WDR27: variants seen among roughly 807,000 people sequenced by gnomAD.
WDR27 encodes WD repeat domain 27, also known as WD repeat-containing protein 27.
In WDR27, 100 loss-of-function variants were observed where a neutral mutation model predicts 114.4. The observed-to-expected ratio is 0.87, with a 90% CI of 0.74 to 1.03. The LOEUF is 1.03. Ranked by LOEUF, WDR27 falls within the 50% of genes least tolerant of loss-of-function variation. WDR27 has a pLI of 0.00. For synonymous variants in WDR27, 449 were observed against 423.1 expected (o/e 1.06, Z -0.75); for missense variants, 1,129 against 1,092.9 (o/e 1.03, Z -0.47).
chr6:169,647,592 C>T lies in WDR27; in HGVS notation c.1657+181G>A, dbSNP rs542512362. 106 of 686,736 alleles carry T rather than the reference C, an allele frequency of 1.5e-4. No individual in the cohort carries two copies. The African/African-American group carries it at 1.7e-3, about 11-fold the overall frequency. 42.5% of individuals were successfully genotyped at this position (686,736 alleles called of 1,614,324 possible). ...AGATGCCTGGAGATCACCCTCACTA[C>T]AGTCGAGTGAAACGCAGTCTCGGTT... On this transcript the variant is annotated intron_variant, in intron 16 of 25. Coordinates refer to ENST00000448612, the MANE Select transcript of WDR27 (RefSeq NM_182552.5).
intron 2 of WDR27, among the ~76,000 whole-genome samples, chr6:169,685,349 A>T (rs1447978382): frequency 6.6e-6 from 1 of 152,170 alleles, no homozygotes; most frequent in Non-Finnish European, 1.5e-5. Flanking sequence ...AACAGACACC[A>T]ATCATAAGAA....
chr6:169,631,496 C>G (rs1334704540), intron 21 of WDR27, among the ~76,000 whole-genome samples: 1 of 152,144 alleles, frequency 6.6e-6, no homozygotes, highest in African/African-American at 2.4e-5. Context: ...CTCCCTTCTC[C>G]GACCAAGGCT....
chr6:169,588,134 C>T (rs999034761), intron 23 of WDR27, among the ~76,000 whole-genome samples: 3 of 152,202 alleles, frequency 2.0e-5, no homozygotes, highest in African/African-American at 7.2e-5. Flanking sequence ...AGGCGATGAG[C>T]ATCACACAGC....
At chr6:169,525,545 A>AG (rs1455138886) in intron 25 of WDR27, among the ~76,000 whole-genome samples, 4 of 150,978 alleles carry the variant, frequency 2.6e-5, no homozygotes, top group Non-Finnish European at 4.4e-5. Flanking sequence ...CAAAAAAAAA[A>AG]AAAAGAAAAA....
At chr6:169,605,930 A>C (rs1273017127) in intron 22 of WDR27, among the ~76,000 whole-genome samples, 1 of 152,118 alleles carries the variant, frequency 6.6e-6, no homozygotes, top group Non-Finnish European at 1.5e-5. Context: ...TTGGACCCTT[A>C]TCTCTCCCCA....
At chr6:169,605,244 A>G (rs1808897817) in intron 22 of WDR27, among the ~76,000 whole-genome samples, 1 of 151,906 alleles carries the variant, frequency 6.6e-6, no homozygotes, top group Non-Finnish European at 1.5e-5. Context: ...ACACTCTTAG[A>G]TTTGATAAAT....
chr6:169,613,468 A>G (rs909583004), intron 22 of WDR27, 91 bp downstream of exon 22: 9 of 1,090,562 alleles, frequency 8.3e-6, no homozygotes, highest in Admixed American at 6.2e-5. Context: ...CAGATTAACC[A>G]CAACCTCATC....
intron 25 of WDR27, among the ~76,000 whole-genome samples, chr6:169,567,078 A>G (rs3817866): frequency 0.59 from 89,895 of 152,072 alleles, 29,242 homozygotes; most frequent in Non-Finnish European, 0.72. Flanking sequence ...TCTGATAGGC[A>G]GCAGCCCGAG....
downstream of WDR27, among the ~76,000 whole-genome samples, chr6:169,454,901 C>T (rs1309992724): frequency 4.6e-5 from 7 of 152,222 alleles, no homozygotes; most frequent in Non-Finnish European, 8.8e-5. Flanking sequence ...TGTGCCCAGC[C>T]GTGGGCTCCT....
chr6:169,661,754 C>T (rs1826174204), intron 9 of WDR27, among the ~76,000 whole-genome samples: 1 of 152,178 alleles, frequency 6.6e-6, no homozygotes. Flanking sequence ...GGCAGCTCTG[C>T]ACAGAGACAA....
At chr6:169,436,927 A>G in the WDR27 span, among the ~76,000 whole-genome samples, 1 of 152,140 alleles carries the variant, frequency 6.6e-6, no homozygotes, top group Non-Finnish European at 1.5e-5. Context: ...AAAATACATT[A>G]TAATTCAAAA....
chr6:169,655,956 T>A (rs1824065224), intron 13 of WDR27, among the ~76,000 whole-genome samples: 1 of 152,150 alleles, frequency 6.6e-6, no homozygotes, highest in African/African-American at 2.4e-5. Context: ...TCTCCTGACC[T>A]CGTGATCCGC....
chr6:169,641,264 G>A (rs1159365775), intron 17 of WDR27, among the ~76,000 whole-genome samples: 1 of 152,254 alleles, frequency 6.6e-6, no homozygotes, highest in African/African-American at 2.4e-5. Context: ...ACACATGCGT[G>A]AAGCGCTGCG....
chr6:169,478,398 C>T (rs532706298), intron 25 of WDR27, among the ~76,000 whole-genome samples: 7 of 152,138 alleles, frequency 4.6e-5, no homozygotes, highest in African/African-American at 1.2e-4. Context: ...TAATAAAATA[C>T]GATTTTTGCA....
chr6:169,455,077 G>A (rs1364849671), downstream of WDR27, among the ~76,000 whole-genome samples: 5 of 152,236 alleles, frequency 3.3e-5, no homozygotes, highest in African/African-American at 1.2e-4. Context: ...CTGCAGCTGA[G>A]CCCTCCCGGA....
chr6:169,684,814 C>A lies in WDR27; in HGVS notation c.189+4003G>T, dbSNP rs907607268. On this transcript the variant is annotated intron_variant, in intron 2 of 25. Transcript: ENST00000448612. This position sits in a 1 kb window ranked among gnomAD's most constrained non-coding sequence, Gnocchi z 4.3. ...CTACGTCCAATGCTGGAGAAACAGC[C>A]CCAGGAGCTGCCCCAGCAGATATGT... 5.9e-5 allele frequency among the ~76,000 whole-genome samples: 9 copies of A among 152,196 alleles called. No homozygotes were observed. The highest frequency in any genetic ancestry group is 8.8e-5 in the Non-Finnish European group (6 of 68,036).
At chr6:169,580,948 T>TAC (rs201301801) in intron 24 of WDR27, among the ~76,000 whole-genome samples, 9,109 of 96,862 alleles carry the variant, frequency 0.094, 549 homozygotes, top group African/African-American at 0.17. Context: ...TATATATATA[T>TAC]ATATACATAT....
chr6:169,681,962 G>A (rs949713580), intron 2 of WDR27, among the ~76,000 whole-genome samples: 1 of 152,024 alleles, frequency 6.6e-6, no homozygotes, highest in South Asian at 2.1e-4. Flanking sequence ...TCATAAGGGG[G>A]CCCAGTCCCA....
chr6:169,562,631 G>A (rs1430583876), intron 25 of WDR27, among the ~76,000 whole-genome samples: 7 of 152,134 alleles, frequency 4.6e-5, no homozygotes, highest in South Asian at 4.1e-4. Context: ...GCCAGGCTGC[G>A]TGAGTGCCCC....
Sources: gnomAD v4.1 joint callset for allele counts (sites outside exome capture counted in the v4.1 genomes callset) on GRCh38, gnomAD v4.1.1 for gene constraint, Gnocchi (gnomAD v3.1) non-coding constraint, MANE v1.5 for transcripts, NCBI Gene and HGNC (gene_info 2026-07-23, HGNC 2026-07-21) for gene names.